Variants in CSNK2A2IP observed in about 807,000 individuals in gnomAD.
CSNK2A2IP encodes casein kinase II subunit alpha'-interacting protein.
chr3:88,444,163 A>C, the CSNK2A2IP span, among the ~76,000 whole-genome samples: 3 of 152,122 alleles, frequency 2.0e-5, no homozygotes, highest in African/African-American at 7.2e-5. Context: ...TCTGTTCATA[A>C]TTAGTTTGCT....
At chr3:88,411,457 T>A in the CSNK2A2IP span, among the ~76,000 whole-genome samples, 1 of 151,834 alleles carries the variant, frequency 6.6e-6, no homozygotes, top group South Asian at 2.1e-4. Context: ...ACATAATGAA[T>A]AAGATCTTAT....
At chr3:88,435,097 C>A in the CSNK2A2IP span, among the ~76,000 whole-genome samples, 1 of 152,188 alleles carries the variant, frequency 6.6e-6, no homozygotes, top group South Asian at 2.1e-4. Flanking sequence ...AGCAAAATAC[C>A]AAGCAGGTTC....
chr3:88,424,580 G>A, the CSNK2A2IP span, among the ~76,000 whole-genome samples: 1 of 152,110 alleles, frequency 6.6e-6, no homozygotes. Flanking sequence ...ACTGCAAACT[G>A]TGCAAGGCTC....
the CSNK2A2IP span, among the ~76,000 whole-genome samples, chr3:88,360,597 A>T: frequency 6.6e-6 from 1 of 151,894 alleles, no homozygotes; most frequent in Non-Finnish European, 1.5e-5. Flanking sequence ...ATGTAGTCGG[A>T]TCTTGTTTTC....
the CSNK2A2IP span, among the ~76,000 whole-genome samples, chr3:88,362,705 C>T: frequency 2.0e-5 from 3 of 152,180 alleles, no homozygotes; most frequent in Non-Finnish European, 2.9e-5. Context: ...CTCCACCACG[C>T]TAAGGTGGCA....
At chr3:88,460,381 A>C in the CSNK2A2IP span, among the ~76,000 whole-genome samples, 1 of 151,920 alleles carries the variant, frequency 6.6e-6, no homozygotes, top group African/African-American at 2.4e-5. Context: ...ATTTGTTTTG[A>C]ATTTGATTAT....
the CSNK2A2IP span, among the ~76,000 whole-genome samples, chr3:88,386,105 C>G: frequency 1.3e-5 from 2 of 151,616 alleles, no homozygotes; most frequent in South Asian, 4.2e-4. Flanking sequence ...CAGTAATACT[C>G]AATTTCTTTT....
chr3:88,398,971 A>T, the CSNK2A2IP span, among the ~76,000 whole-genome samples: 1 of 152,206 alleles, frequency 6.6e-6, no homozygotes, highest in Non-Finnish European at 1.5e-5. Context: ...GATTTTTTAT[A>T]GAAATAGTAA....
At chr3:88,466,966 A>G in the CSNK2A2IP span, 4 of 1,231,150 alleles carry the variant, frequency 3.2e-6, no homozygotes, top group Non-Finnish European at 4.1e-6. Flanking sequence ...CCCATTCCCT[A>G]TGAAAGAAAA....
the CSNK2A2IP span, among the ~76,000 whole-genome samples, chr3:88,461,419 G>C: frequency 1.3e-5 from 2 of 152,018 alleles, no homozygotes; most frequent in Non-Finnish European, 2.9e-5. Context: ...CGGGCGTGGT[G>C]GTGGGCGCCT....
chr3:88,372,480 G>A, the CSNK2A2IP span, among the ~76,000 whole-genome samples: 61,900 of 150,978 alleles, frequency 0.41, 14,890 homozygotes, highest in South Asian at 0.6. Context: ...ATTAAAAAAC[G>A]TAAAGAAATT....
the CSNK2A2IP span, among the ~76,000 whole-genome samples, chr3:88,451,433 T>G: frequency 6.6e-6 from 1 of 151,892 alleles, no homozygotes; most frequent in South Asian, 2.1e-4. Context: ...AGGGTTTTTT[T>G]TTTTCTGCTA....
the CSNK2A2IP span, among the ~76,000 whole-genome samples, chr3:88,343,878 T>C: frequency 6.6e-6 from 1 of 151,990 alleles, no homozygotes; most frequent in Non-Finnish European, 1.5e-5. Flanking sequence ...AAATGCCACA[T>C]AGCTGCTTTT....
the CSNK2A2IP span, chr3:88,382,705 G>T: frequency 6.6e-6 from 1 of 152,172 alleles, no homozygotes; most frequent in Non-Finnish European, 1.5e-5. Context: ...AGATGCAGAA[G>T]ATATTAATCA....
chr3:88,407,233 G>C, the CSNK2A2IP span, among the ~76,000 whole-genome samples: 1 of 138,024 alleles, frequency 7.2e-6, no homozygotes, highest in Non-Finnish European at 1.5e-5. Context: ...ACCTGGCATT[G>C]TGCAAATATT....
chr3:88,426,355 T>C, the CSNK2A2IP span, among the ~76,000 whole-genome samples: 2 of 152,206 alleles, frequency 1.3e-5, no homozygotes, highest in Non-Finnish European at 2.9e-5. Context: ...GGAGTTAATA[T>C]GTGATCCAGG....
the CSNK2A2IP span, among the ~76,000 whole-genome samples, chr3:88,450,061 G>A: frequency 1.3e-5 from 2 of 151,072 alleles, no homozygotes; most frequent in African/African-American, 4.9e-5. Flanking sequence ...TAGAGACAGG[G>A]TTTCATCATG....
the CSNK2A2IP span, among the ~76,000 whole-genome samples, chr3:88,369,036 T>A: frequency 1.3e-5 from 2 of 152,056 alleles, no homozygotes; most frequent in Non-Finnish European, 2.9e-5. Context: ...AGAGGAACCC[T>A]ATACTCCCCA....
the CSNK2A2IP span, among the ~76,000 whole-genome samples, chr3:88,420,338 T>C: frequency 3.9e-5 from 6 of 152,174 alleles, no homozygotes; most frequent in Non-Finnish European, 8.8e-5. Flanking sequence ...ATCTTGCATC[T>C]GGCTAGTACT....
Sources: allele counts gnomAD v4.1 joint callset (sites outside exome capture counted in the v4.1 genomes callset), GRCh38; gene constraint gnomAD v4.1.1; transcripts MANE v1.5; gene names NCBI Gene and HGNC (gene_info 2026-07-23, HGNC 2026-07-21).